The following STK32B variants were observed in gnomAD, a reference collection of about 807,000 sequenced individuals.
STK32B encodes serine/threonine kinase 32B, also known as serine/threonine-protein kinase 32B.
Under a neutral mutation model 52.6 loss-of-function variants are expected in STK32B, and 43 were observed. The ratio of observed to expected loss-of-function variants is 0.82; its 90% CI spans 0.64 to 1.05. The LOEUF is 1.05. Among genes scored for constraint, STK32B ranks in the 50% least tolerant of loss-of-function variants. The pLI, the probability that STK32B is intolerant of heterozygous loss-of-function variation, is 0.00. For synonymous variants in STK32B, 238 were observed against 204.3 expected, an observed-to-expected ratio of 1.17 and a Z score of -1.41; for missense variants, 621 against 534.6, an observed-to-expected ratio of 1.16 and a Z score of -1.59.
chr4:5,458,205 C>T (rs6810392), intron 8 of STK32B, among the ~76,000 whole-genome samples: 54,329 of 151,938 alleles, frequency 0.36, 10,529 homozygotes, highest in Non-Finnish European at 0.43. Context: ...CACTCCAGTC[C>T]GACATGGGCG....
intron 1 of STK32B, among the ~76,000 whole-genome samples, chr4:5,082,603 T>G (rs1712500322): frequency 6.6e-6 from 1 of 152,222 alleles, no homozygotes; most frequent in African/African-American, 2.4e-5. Context: ...CAACTCTAAC[T>G]TTTTGACAAT....
chr4:5,185,924 T>C (rs1367085537), intron 3 of STK32B, among the ~76,000 whole-genome samples: 1 of 152,176 alleles, frequency 6.6e-6, no homozygotes, highest in Non-Finnish European at 1.5e-5. Context: ...CCATACTAAC[T>C]GGTTTGTGGG....
intron 6 of STK32B, 104 bp from the exon 7 acceptor site, chr4:5,446,566 CAAA>C: frequency 3.3e-5 from 24 of 717,216 alleles, no homozygotes; most frequent in Middle Eastern, 2.8e-4. Flanking sequence ...CAAAAAAAAA[CAAA>C]AAAAAAAAAA....
chr4:5,396,418 C>G lies in STK32B; in HGVS notation c.435-1789C>G, dbSNP rs759209544. ...AATCCAGGATGATTCATCTTGAGATCCTTAAGTAATTACCTCTGCAAAGAC... is the reference window on the plus strand; with the variant it reads ...AATCCAGGATGATTCATCTTGAGATGCTTAAGTAATTACCTCTGCAAAGAC... On this transcript the variant is annotated intron_variant, in intron 4 of 11. Coordinates refer to ENST00000282908, the MANE Select transcript of STK32B (RefSeq NM_018401.3). The surrounding 1 kb of genome is among the most constrained non-coding windows in gnomAD (Gnocchi z 4.7). 5.3e-5 allele frequency among the ~76,000 whole-genome samples: 8 copies of G among 152,166 alleles called. No individual in the cohort carries two copies. The highest frequency in any genetic ancestry group is 2.0e-4 in the Admixed American group (3 of 15,280).
At chr4:5,188,977 C>T (rs992171912) in intron 3 of STK32B, among the ~76,000 whole-genome samples, 1 of 151,106 alleles carries the variant, frequency 6.6e-6, no homozygotes, top group African/African-American at 2.4e-5. Flanking sequence ...CAAACCTGCA[C>T]GTTGTGCACG....
intron 3 of STK32B, among the ~76,000 whole-genome samples, chr4:5,219,336 G>A (rs1235291147): frequency 1.3e-5 from 2 of 152,216 alleles, no homozygotes; most frequent in South Asian, 2.1e-4. Flanking sequence ...ACTCCTTCCT[G>A]TAGAGGAACC....
At chr4:5,196,334 G>GTTTTTTTTTTTT (rs35605834) in intron 3 of STK32B, among the ~76,000 whole-genome samples, 4 of 87,714 alleles carry the variant, frequency 4.6e-5, no homozygotes, top group Admixed American at 1.5e-4. Context: ...TCTTTCTTCA[G>GTTTTTTTTTTTT]TTTTTTTTTT....
At chr4:5,200,465 CGTGGCTCCCA>C (rs925685693) in intron 3 of STK32B, among the ~76,000 whole-genome samples, 3 of 152,116 alleles carry the variant, frequency 2.0e-5, no homozygotes, top group African/African-American at 7.2e-5. Context: ...GCCAGGGAGT[CGTGGCTCCCA>C]GTTGCTCCCA....
At chr4:5,409,546 A>G (rs1560388948) in intron 5 of STK32B, among the ~76,000 whole-genome samples, 3 of 152,140 alleles carry the variant, frequency 2.0e-5, no homozygotes, top group African/African-American at 7.2e-5. Context: ...ATGGTGGAAT[A>G]ACACTAAAAA....
chr4:5,349,467 T>C (rs1408010208), intron 4 of STK32B, among the ~76,000 whole-genome samples: 1 of 151,618 alleles, frequency 6.6e-6, no homozygotes, highest in African/African-American at 2.4e-5. Flanking sequence ...CAACACAATA[T>C]ACACATCTTT....
intron 3 of STK32B, among the ~76,000 whole-genome samples, chr4:5,258,493 A>G (rs375244527): frequency 3.3e-5 from 5 of 152,132 alleles, no homozygotes; most frequent in African/African-American, 1.2e-4. Flanking sequence ...CCCTGTTGCA[A>G]GCGTTCCGTG....
At chr4:5,054,370 G>A (rs983714687) in intron 1 of STK32B, among the ~76,000 whole-genome samples, 1 of 152,086 alleles carries the variant, frequency 6.6e-6, no homozygotes, top group Non-Finnish European at 1.5e-5. Context: ...ATCTGAAAAG[G>A]CCTCCTCTTT....
chr4:5,020,970 G>A, the STK32B span, among the ~76,000 whole-genome samples: 3 of 152,134 alleles, frequency 2.0e-5, no homozygotes, highest in African/African-American at 7.2e-5. Context: ...CTCCAACAAA[G>A]GAGGAAAGGG....
rs1293510456 is a variant in STK32B at position 5,412,548 on chromosome 4, C to CGG, written c.473-4297_473-4296insGG. 3.3e-5 allele frequency among the ~76,000 whole-genome samples: 5 copies of CGG among 152,278 alleles called. No individual in the cohort carries two copies. The East Asian group carries it at 9.7e-4, about 29-fold the overall frequency. On this transcript the variant is annotated intron_variant, in intron 5 of 11. Coordinates refer to ENST00000282908, the MANE Select transcript of STK32B (RefSeq NM_018401.3). ...GTAACGAGATCAGGACTGTTTGACC[C>CGG]AGCTCTGTAGGAGGAGAGTGGGACG... is the stretch of plus-strand genomic sequence containing the variant.
At chr4:5,273,948 A>G (rs1694289111) in intron 3 of STK32B, among the ~76,000 whole-genome samples, 1 of 151,872 alleles carries the variant, frequency 6.6e-6, no homozygotes, top group Non-Finnish European at 1.5e-5. Context: ...ATATGTAACT[A>G]ACCTGCACAA....
intron 1 of STK32B, among the ~76,000 whole-genome samples, chr4:5,122,856 C>CAGCT (rs1715142190): frequency 6.6e-6 from 1 of 152,116 alleles, no homozygotes; most frequent in South Asian, 2.1e-4. Context: ...GGTTCTCTCC[C>CAGCT]AGCTCTCTGT....
In STK32B at chr4:5,058,453, G is replaced by A. The variant is rs1366054887; in HGVS notation, c.52+6538G>A. ...GATCTACATGGTGGAACTTATTTCA[G>A]TCTGGTTCCCAGAGTGAGAACAACA... On this transcript the variant is annotated intron_variant, in intron 1 of 11. Coordinates refer to ENST00000282908, the MANE Select transcript of STK32B (RefSeq NM_018401.3). This position sits in a 1 kb window ranked among gnomAD's most constrained non-coding sequence, Gnocchi z 4.8. Among the ~76,000 whole-genome samples, 1 of 152,240 alleles carries A rather than the reference G, an allele frequency of 6.6e-6. No homozygotes were observed. The highest frequency in any genetic ancestry group is 2.4e-5 in the African/African-American group (1 of 41,464).
At chr4:5,270,631 C>A (rs1464923222) in intron 3 of STK32B, among the ~76,000 whole-genome samples, 2 of 152,160 alleles carry the variant, frequency 1.3e-5, no homozygotes, top group African/African-American at 4.8e-5. Context: ...TGAATGCATT[C>A]CCCCTGAGAT....
chr4:5,339,064 G>A (rs1205750896), intron 4 of STK32B, among the ~76,000 whole-genome samples: 3 of 152,146 alleles, frequency 2.0e-5, no homozygotes, highest in Non-Finnish European at 2.9e-5. Flanking sequence ...CTTTCTACTT[G>A]ACTGAATTAT....
Sources: allele counts gnomAD v4.1 joint callset (sites outside exome capture counted in the v4.1 genomes callset), GRCh38; gene constraint gnomAD v4.1.1; non-coding constraint Gnocchi (gnomAD v3.1); transcripts MANE v1.5; gene names NCBI Gene and HGNC (gene_info 2026-07-23, HGNC 2026-07-21).